Variants in FSTL5 observed in about 807,000 individuals in gnomAD.
FSTL5 encodes follistatin-related protein 5.
Under a neutral mutation model 89.1 loss-of-function variants are expected in FSTL5, and 62 were observed. That is an observed-to-expected ratio of 0.70 (90% CI 0.57 to 0.86). The LOEUF (loss-of-function observed/expected upper bound fraction) is 0.86, where lower values mean the gene tolerates loss of function less well. FSTL5 is among the 40% of genes least tolerant of loss of function. The probability of loss-of-function intolerance (pLI) is 0.00; values close to 1 mark genes in which losing one functional copy is unlikely to be tolerated. For synonymous variants in FSTL5, 383 were observed against 346.2 expected (o/e 1.11, Z -1.18); for missense variants, 1,057 against 1,001.6 (o/e 1.06, Z -0.75).
chr4:161,468,447 T>C (rs529368947), intron 13 of FSTL5, among the ~76,000 whole-genome samples: 1 of 152,120 alleles, frequency 6.6e-6, no homozygotes, highest in East Asian at 1.9e-4. Context: ...AAACCTGAAT[T>C]ATAGCAGCAG....
At chr4:161,600,328 G>A (rs1366117365) in intron 7 of FSTL5, among the ~76,000 whole-genome samples, 2 of 151,990 alleles carry the variant, frequency 1.3e-5, no homozygotes, top group Non-Finnish European at 2.9e-5. Flanking sequence ...ATTCACAGTA[G>A]GAGTCATGCA....
intron 5 of FSTL5, among the ~76,000 whole-genome samples, chr4:161,766,380 G>T (rs1300395484): frequency 6.6e-6 from 1 of 152,152 alleles, no homozygotes; most frequent in Non-Finnish European, 1.5e-5. Flanking sequence ...ATCTGACACT[G>T]TGAACCAAAT....
intron 6 of FSTL5, among the ~76,000 whole-genome samples, chr4:161,739,859 A>AT (rs1739944910): frequency 6.6e-6 from 1 of 151,904 alleles, no homozygotes; most frequent in Non-Finnish European, 1.5e-5. Flanking sequence ...AAGTAAAAAA[A>AT]AAAATTGTTG....
At chr4:161,685,017 T>C (rs928026852) in intron 6 of FSTL5, among the ~76,000 whole-genome samples, 2 of 152,128 alleles carry the variant, frequency 1.3e-5, no homozygotes, top group Non-Finnish European at 1.5e-5. Context: ...CCTTTCCCCT[T>C]TTTATTTTTT....
chr4:161,711,220 A>G (rs1206810440), intron 6 of FSTL5, among the ~76,000 whole-genome samples: 1 of 152,106 alleles, frequency 6.6e-6, no homozygotes, highest in African/African-American at 2.4e-5. Flanking sequence ...GAAAAAATTA[A>G]GAAAACCAAA....
At chr4:161,941,611 C>CAT (rs1734587340) in intron 3 of FSTL5, among the ~76,000 whole-genome samples, 1 of 151,786 alleles carries the variant, frequency 6.6e-6, no homozygotes, top group South Asian at 2.1e-4. Flanking sequence ...TACTTACAAA[C>CAT]ATATATGCAC....
chr4:161,519,395 G>A (rs1295519799), intron 10 of FSTL5, among the ~76,000 whole-genome samples: 1 of 151,954 alleles, frequency 6.6e-6, no homozygotes, highest in Admixed American at 6.6e-5. Context: ...GAGTGGTGGT[G>A]GGCACCTGTA....
intron 8 of FSTL5, among the ~76,000 whole-genome samples, chr4:161,557,167 A>AATCTTT (rs955043014): frequency 6.6e-6 from 1 of 151,426 alleles, no homozygotes; most frequent in Non-Finnish European, 1.5e-5. Context: ...TTAACCAACA[A>AATCTTT]CTTTCAAAAG....
At chr4:161,772,382 C>A (rs1203451585) in intron 5 of FSTL5, among the ~76,000 whole-genome samples, 3 of 151,832 alleles carry the variant, frequency 2.0e-5, no homozygotes, top group African/African-American at 4.8e-5. Context: ...AAAGGGCATG[C>A]AAAATGATAA....
At chr4:161,786,958 T>C (rs1299719674) in intron 4 of FSTL5, among the ~76,000 whole-genome samples, 1 of 152,118 alleles carries the variant, frequency 6.6e-6, no homozygotes, top group Non-Finnish European at 1.5e-5. Context: ...CAAATAAATG[T>C]TTAATTGTGC....
chr4:161,608,610 T>C (rs1734536383), intron 7 of FSTL5, among the ~76,000 whole-genome samples: 1 of 151,950 alleles, frequency 6.6e-6, no homozygotes, highest in Non-Finnish European at 1.5e-5. Context: ...TAAAGAAAAA[T>C]CATGACTATG....
intron 3 of FSTL5, among the ~76,000 whole-genome samples, chr4:162,012,287 G>C (rs1736791853): frequency 6.6e-6 from 1 of 152,136 alleles, no homozygotes; most frequent in Non-Finnish European, 1.5e-5. Flanking sequence ...TGAGGAACAT[G>C]CTACCACAGA....
intron 3 of FSTL5, among the ~76,000 whole-genome samples, chr4:161,982,233 T>C (rs991790019): frequency 6.6e-6 from 1 of 152,212 alleles, no homozygotes; most frequent in Non-Finnish European, 1.5e-5. Context: ...GGTCACCTTG[T>C]GAGAATGAGC....
At chr4:162,031,197 G>A (rs1284467047) in intron 3 of FSTL5, among the ~76,000 whole-genome samples, 1 of 152,042 alleles carries the variant, frequency 6.6e-6, no homozygotes, top group Admixed American at 6.6e-5. Flanking sequence ...ATTACATTGG[G>A]GTTGCTGTCA....
At chr4:161,879,834 A>G (rs1016902530) in intron 4 of FSTL5, among the ~76,000 whole-genome samples, 4 of 152,160 alleles carry the variant, frequency 2.6e-5, no homozygotes, top group Non-Finnish European at 5.9e-5. Flanking sequence ...GCTTACACTT[A>G]CCACTATCCA....
chr4:161,729,227 T>C (rs1040270866), intron 6 of FSTL5, among the ~76,000 whole-genome samples: 1 of 152,310 alleles, frequency 6.6e-6, no homozygotes, highest in South Asian at 2.1e-4. Context: ...GAATAACAAA[T>C]GATTTTTTTA....
At chr4:161,750,574 T>G (rs1209322732) in intron 6 of FSTL5, among the ~76,000 whole-genome samples, 1 of 152,166 alleles carries the variant, frequency 6.6e-6, no homozygotes, top group Admixed American at 6.5e-5. Flanking sequence ...TTATGTTTCA[T>G]TAGACAGTGC....
intron 12 of FSTL5, among the ~76,000 whole-genome samples, chr4:161,496,754 T>C (rs752091947): frequency 9.0e-5 from 13 of 145,222 alleles, no homozygotes; most frequent in Non-Finnish European, 1.7e-4. Context: ...TTCCTTAAAA[T>C]AAAACTCTCT....
Position 161,656,496 on chromosome 4 carries a change from T to G in FSTL5, c.728-2A>C, listed in dbSNP as rs1445200054. On this transcript the variant is annotated splice_acceptor_variant, in intron 6 of 15. Coordinates refer to ENST00000306100, the MANE Select transcript of FSTL5 (RefSeq NM_020116.5). LOFTEE classifies it high-confidence loss of function. ...CTGGCAGACTCAACTGGATCACTTC[T>G]GTAAAGATGAAGTGTCAGTAATGTT... 1 of 1,560,168 alleles carries G rather than the reference T, an allele frequency of 6.4e-7. No individual in the cohort carries two copies. Among genetic ancestry groups the G allele is most frequent in the Admixed American group, 2.0e-5 (1 of 50,608 alleles).
Sources: allele counts gnomAD v4.1 joint callset (sites outside exome capture counted in the v4.1 genomes callset), GRCh38; gene constraint gnomAD v4.1.1; transcripts MANE v1.5; gene names NCBI Gene and HGNC (gene_info 2026-07-23, HGNC 2026-07-21).